The following MBOAT2 variants were observed in gnomAD, a reference collection of about 807,000 sequenced individuals.
MBOAT2 encodes the protein membrane bound glycerophospholipid O-acyltransferase 2, also known as membrane-bound glycerophospholipid O-acyltransferase 2.
Under a neutral mutation model 63.4 loss-of-function variants are expected in MBOAT2, and 28 were observed. That is an observed-to-expected ratio of 0.44 (90% confidence interval 0.33 to 0.61). MBOAT2 has a LOEUF of 0.61. Among genes scored for constraint, MBOAT2 ranks in the 20% least tolerant of loss-of-function variants. The probability of loss-of-function intolerance (pLI) is 0.03; values close to 1 mark genes in which losing one functional copy is unlikely to be tolerated. For synonymous variants in MBOAT2, 211 were observed against 215.6 expected (o/e 0.98, Z 0.19); for missense variants, 470 against 605.8 (o/e 0.78, Z 2.35).
intron 1 of MBOAT2, among the ~76,000 whole-genome samples, chr2:8,992,296 A>G (rs916474902): frequency 9.2e-5 from 14 of 152,110 alleles, no homozygotes; most frequent in African/African-American, 3.4e-4. Context: ...CTCTCCATTC[A>G]TTCTTTTTGT....
intron 3 of MBOAT2, among the ~76,000 whole-genome samples, chr2:8,931,165 T>C (rs1667292112): frequency 6.6e-6 from 1 of 152,252 alleles, no homozygotes; most frequent in Non-Finnish European, 1.5e-5. Context: ...AAAAGCATTA[T>C]TATTTCTCCA....
At chr2:8,929,691 G>A (rs992516786) in intron 3 of MBOAT2, among the ~76,000 whole-genome samples, 2 of 152,138 alleles carry the variant, frequency 1.3e-5, no homozygotes, top group Non-Finnish European at 1.5e-5. Context: ...ACATATGCAT[G>A]CATGTATCAT....
At chr2:8,914,508 A>C (rs914637753) in intron 3 of MBOAT2, among the ~76,000 whole-genome samples, 1 of 152,038 alleles carries the variant, frequency 6.6e-6, no homozygotes, top group African/African-American at 2.4e-5. Context: ...AAAAACAATG[A>C]AAGTGTTTTG....
At position 9,003,584 on chromosome 2, in the gene MBOAT2, G is replaced by C. The variant is rs2103397431; in HGVS notation, c.31C>G (p.Leu11Val). 8.1e-7 allele frequency: 1 copy of C among 1,227,078 alleles called. No individual in the cohort carries two copies. Among genetic ancestry groups the C allele is most frequent in the Non-Finnish European group, 1.0e-6 (1 of 978,210 alleles). 76.0% of individuals were successfully genotyped at this position (1,227,078 alleles called of 1,614,324 possible). The part of the protein sequence containing the change: MATTSTTGST[L>V]LQPLSNAVQL... ...ACGGCGTTGCTGAGGGGCTGCAGCA[G>C]GGTGGAGCCCGTGGTGCTGGTGGTG... is the stretch of plus-strand genomic sequence containing the variant. The change falls in exon 1 of 13, where the codon CTG (leucine) becomes GTG (valine). Residue 11 changes from leucine (L) to valine (V), a missense_variant. This residue lies in a region of MBOAT2 where 376 missense variants were observed against 503.8 expected (regional missense o/e 0.75). Coordinates refer to ENST00000305997, the MANE Select transcript of MBOAT2 (RefSeq NM_138799.4). The surrounding 1 kb of genome is among the most constrained non-coding windows in gnomAD (Gnocchi z 5.4).
chr2:8,969,596 C>A (rs201660760), intron 1 of MBOAT2, among the ~76,000 whole-genome samples: 1 of 152,074 alleles, frequency 6.6e-6, no homozygotes, highest in Admixed American at 6.6e-5. Flanking sequence ...AGAGTCAAGA[C>A]CCACCAGTGT....
intron 3 of MBOAT2, among the ~76,000 whole-genome samples, chr2:8,910,679 C>T (rs1234509037): frequency 2.0e-5 from 3 of 152,164 alleles, no homozygotes; most frequent in African/African-American, 7.2e-5. Context: ...ACACAGCACC[C>T]CAACTCTCAA....
intron 3 of MBOAT2, among the ~76,000 whole-genome samples, chr2:8,927,594 AC>A (rs766573024): frequency 6.6e-6 from 1 of 152,156 alleles, no homozygotes; most frequent in Non-Finnish European, 1.5e-5. Context: ...CTGGGAAAGT[AC>A]CCAGTGGTGC....
intron 4 of MBOAT2, among the ~76,000 whole-genome samples, chr2:8,905,936 T>C (rs1015311123): frequency 6.6e-6 from 1 of 152,224 alleles, no homozygotes; most frequent in Non-Finnish European, 1.5e-5. Flanking sequence ...TGCATTTAAG[T>C]ATTTAACTGG....
intron 8 of MBOAT2, among the ~76,000 whole-genome samples, chr2:8,869,173 AGTAGCTGGGAC>A (rs1285444824): frequency 6.7e-6 from 1 of 150,360 alleles, no homozygotes; most frequent in Non-Finnish European, 1.5e-5. Context: ...CAGCCTCCTG[AGTAGCTGGGAC>A]TGCAGGTGCA....
intron 1 of MBOAT2, among the ~76,000 whole-genome samples, chr2:8,970,470 C>T (rs923994666): frequency 6.6e-6 from 1 of 152,034 alleles, no homozygotes. Flanking sequence ...ACTAGAGAAG[C>T]AAGAGCAAAC....
At chr2:8,891,429 C>T (rs1411397885) in intron 4 of MBOAT2, among the ~76,000 whole-genome samples, 1 of 152,158 alleles carries the variant, frequency 6.6e-6, no homozygotes, top group Admixed American at 6.5e-5. Flanking sequence ...AAGGGCATAT[C>T]TCACCCTTCC....
chr2:8,860,575 G>T, intron 12 of MBOAT2, 38 bp downstream of exon 12: 1 of 1,595,970 alleles, frequency 6.3e-7, no homozygotes, highest in Non-Finnish European at 8.5e-7. Flanking sequence ...TGAAAATAGA[G>T]TTATTCCCAC....
intron 4 of MBOAT2, among the ~76,000 whole-genome samples, chr2:8,903,511 T>C (rs1188499731): frequency 6.6e-6 from 1 of 152,162 alleles, no homozygotes; most frequent in Non-Finnish European, 1.5e-5. Context: ...AAAGCAACTC[T>C]TTCAGTACCA....
chr2:8,853,685 CT>C lies in MBOAT2; in HGVS notation c.*4993del, dbSNP rs1353438596. 6.6e-6 allele frequency: 1 copy of C among 152,154 alleles called. No individual in the cohort carries two copies. 9.4% of individuals were successfully genotyped at this position (152,154 alleles called of 1,614,324 possible). ...CATGGCTGGAGATGGCTATGAATCG[CT>C]GAGTAAGCTTCAGACAGCGGTTCTG... On this transcript the variant is annotated 3_prime_UTR_variant, in exon 13 of 13. Coordinates refer to ENST00000305997, the MANE Select transcript of MBOAT2 (RefSeq NM_138799.4).
At chr2:8,894,486 G>C (rs1664277312) in intron 4 of MBOAT2, among the ~76,000 whole-genome samples, 1 of 152,226 alleles carries the variant, frequency 6.6e-6, no homozygotes, top group Non-Finnish European at 1.5e-5. Flanking sequence ...CAACACAGTT[G>C]CTGGGCGCCA....
intron 1 of MBOAT2, among the ~76,000 whole-genome samples, chr2:8,993,600 G>A (rs1672062562): frequency 6.6e-6 from 1 of 152,036 alleles, no homozygotes; most frequent in South Asian, 2.1e-4. Context: ...AAGTCCCCTG[G>A]GAACACCCAG....
chr2:8,989,522 A>C (rs1157448527), intron 1 of MBOAT2, among the ~76,000 whole-genome samples: 1 of 152,224 alleles, frequency 6.6e-6, no homozygotes, highest in Non-Finnish European at 1.5e-5. Context: ...GAGCTGTATC[A>C]TCCCAGGAGA....
chr2:8,886,127 C>A (rs535807535), intron 5 of MBOAT2, among the ~76,000 whole-genome samples: 3 of 152,334 alleles, frequency 2.0e-5, no homozygotes, highest in East Asian at 1.9e-4. Context: ...CCTATGTGAC[C>A]AGCCCCCAGT....
chr2:8,926,926 C>A (rs1666974912), intron 3 of MBOAT2, among the ~76,000 whole-genome samples: 1 of 152,214 alleles, frequency 6.6e-6, no homozygotes, highest in Admixed American at 6.5e-5. Context: ...ATGCCCCGGG[C>A]TGCTCTAAAT....
Sources: gnomAD v4.1 joint callset for allele counts (sites outside exome capture counted in the v4.1 genomes callset) on GRCh38, gnomAD v4.1.1 for gene constraint, gnomAD v4.1.1 regional missense constraint, Gnocchi (gnomAD v3.1) non-coding constraint, MANE v1.5 for transcripts, NCBI Gene and HGNC (gene_info 2026-07-23, HGNC 2026-07-21) for gene names.